ANGPT2: variants seen among roughly 807,000 people sequenced by gnomAD.
ANGPT2 encodes angiopoietin-2.
Under a neutral mutation model 62.9 loss-of-function variants are expected in ANGPT2, and 28 were observed. That is an observed-to-expected ratio of 0.44 (90% CI 0.33 to 0.61). ANGPT2 has a LOEUF of 0.61. ANGPT2 is among the 20% of genes least tolerant of loss of function. The probability of loss-of-function intolerance (pLI) is 0.03; values close to 1 mark genes in which losing one functional copy is unlikely to be tolerated. For missense variants in ANGPT2, 727 were observed against 594.9 expected (o/e 1.22, Z -2.31); for synonymous variants, 284 against 207.8 (o/e 1.37, Z -3.15).
intron 8 of ANGPT2, among the ~76,000 whole-genome samples, chr8:6,507,273 TA>T (rs1813938736): frequency 6.6e-6 from 1 of 152,244 alleles, no homozygotes; most frequent in African/African-American, 2.4e-5. Context: ...CTTTCATTTA[TA>T]AAACATGTTG....
At chr8:6,545,731 G>C (rs1286406399) in intron 1 of ANGPT2, among the ~76,000 whole-genome samples, 1 of 152,122 alleles carries the variant, frequency 6.6e-6, no homozygotes, top group East Asian at 1.9e-4. Flanking sequence ...GTCATGTATT[G>C]GATTTTGTTG....
intron 1 of ANGPT2, among the ~76,000 whole-genome samples, chr8:6,540,867 C>A (rs531280534): frequency 6.6e-6 from 1 of 152,234 alleles, no homozygotes; most frequent in Admixed American, 6.5e-5. Flanking sequence ...AGGCGGCCAC[C>A]GCCGCGCTGG....
chr8:6,503,597 T>G (rs943651135), intron 8 of ANGPT2, among the ~76,000 whole-genome samples: 1 of 152,178 alleles, frequency 6.6e-6, no homozygotes, highest in Non-Finnish European at 1.5e-5. Flanking sequence ...TGAGGCACAG[T>G]TGGAAAACTC....
chr8:6,531,062 G>A (rs1345140767), intron 2 of ANGPT2, among the ~76,000 whole-genome samples: 1 of 152,158 alleles, frequency 6.6e-6, no homozygotes, highest in African/African-American at 2.4e-5. Context: ...AGCATGTAAA[G>A]AAGCCAGGAT....
chr8:6,537,583 T>TA (rs1334090749), intron 1 of ANGPT2, among the ~76,000 whole-genome samples: 1 of 151,730 alleles, frequency 6.6e-6, no homozygotes, highest in Non-Finnish European at 1.5e-5. Context: ...TATATATATA[T>TA]TTTAGTGCAA....
At chr8:6,552,335 C>G (rs1473883432) in intron 1 of ANGPT2, among the ~76,000 whole-genome samples, 1 of 152,154 alleles carries the variant, frequency 6.6e-6, no homozygotes, top group Non-Finnish European at 1.5e-5. Context: ...CAGTGTGTTG[C>G]CCAATGACAG....
chr8:6,556,998 T>A (rs1434227913), intron 1 of ANGPT2, among the ~76,000 whole-genome samples: 1 of 152,284 alleles, frequency 6.6e-6, no homozygotes, highest in South Asian at 2.1e-4. Context: ...TCAACTTGCA[T>A]GGCTCCTGCC....
chr8:6,525,083 C>CT (rs1563344452), intron 3 of ANGPT2, among the ~76,000 whole-genome samples: 1 of 152,180 alleles, frequency 6.6e-6, no homozygotes, highest in Non-Finnish European at 1.5e-5. Context: ...GTAAATCCAC[C>CT]TTTTTTTGAC....
chr8:6,540,277 T>G (rs1159077614), intron 1 of ANGPT2, among the ~76,000 whole-genome samples: 2 of 152,260 alleles, frequency 1.3e-5, no homozygotes, highest in Non-Finnish European at 2.9e-5. Context: ...CAAAATTTGA[T>G]AAGGAAATGT....
In ANGPT2 at chr8:6,542,597, CTT is replaced by C. The variant is rs370880744; in HGVS notation, c.289-10112_289-10111del. Among the ~76,000 whole-genome samples the C allele has an allele frequency of 1.9e-3, 283 of 150,442 alleles. 3 individuals carry two copies. The highest frequency in any genetic ancestry group is 4.4e-4 in the Non-Finnish European group (30 of 67,650). On this transcript the variant is annotated intron_variant, in intron 1 of 8. Transcript: ENST00000629816. ...GCTGTACTGATATGCCTATTCTTAT[CTT>C]AAAAAAAAAAAAGTGCTGTCTGAGG... is the stretch of plus-strand genomic sequence containing the variant.
intron 1 of ANGPT2, among the ~76,000 whole-genome samples, chr8:6,554,977 G>A (rs767329330): frequency 6.6e-6 from 1 of 152,122 alleles, no homozygotes; most frequent in African/African-American, 2.4e-5. Flanking sequence ...AAAGATAGTC[G>A]GATGGCACAC....
At chr8:6,558,332 A>G (rs1394841649) in intron 1 of ANGPT2, among the ~76,000 whole-genome samples, 1 of 152,126 alleles carries the variant, frequency 6.6e-6, no homozygotes, top group Non-Finnish European at 1.5e-5. Context: ...ATATTTTTTT[A>G]CCTTGCCCAT....
chr8:6,547,022 C>T (rs1438231194), intron 1 of ANGPT2, among the ~76,000 whole-genome samples: 5 of 152,148 alleles, frequency 3.3e-5, no homozygotes, highest in Admixed American at 3.3e-4. Flanking sequence ...TCGGAAGAAG[C>T]GTTCTCAGAG....
chr8:6,556,222 C>A (rs953519167), intron 1 of ANGPT2, among the ~76,000 whole-genome samples: 1 of 152,058 alleles, frequency 6.6e-6, no homozygotes, highest in African/African-American at 2.4e-5. Flanking sequence ...AGTACTACAG[C>A]ATATACAGTG....
At chr8:6,557,997 C>T (rs1032637163) in intron 1 of ANGPT2, among the ~76,000 whole-genome samples, 2 of 152,278 alleles carry the variant, frequency 1.3e-5, no homozygotes, top group East Asian at 3.9e-4. Flanking sequence ...CTGACTCCCT[C>T]ACAGGTGGTG....
At chr8:6,534,756 G>C (rs1820195257) in intron 1 of ANGPT2, among the ~76,000 whole-genome samples, 1 of 152,214 alleles carries the variant, frequency 6.6e-6, no homozygotes, top group African/African-American at 2.4e-5. Flanking sequence ...CCGTTTCTCA[G>C]AGTTAGCTCA....
At chr8:6,508,788 A>G in intron 8 of ANGPT2, 144 bp downstream of exon 8, 6 of 1,187,620 alleles carry the variant, frequency 5.1e-6, no homozygotes, top group South Asian at 1.3e-5. Flanking sequence ...TGAAAAACAC[A>G]TTTACCTATA....
At chr8:6,524,335 G>C (rs919434945) in intron 3 of ANGPT2, among the ~76,000 whole-genome samples, 9 of 152,162 alleles carry the variant, frequency 5.9e-5, no homozygotes, top group Non-Finnish European at 1.2e-4. Context: ...TTAGAAGCTG[G>C]TGAAATATTC....
rs866447304 is a variant in ANGPT2 at position 6,554,580 on chromosome 8, T to G, written c.288+8067A>C. Among the ~76,000 whole-genome samples the G allele has an allele frequency of 3.3e-5, 5 of 152,370 alleles. 1 individual carries two copies. Among genetic ancestry groups the G allele is most frequent in the Middle Eastern group, 6.8e-3 (2 of 294 alleles). The stretch of plus-strand genomic sequence containing the variant: ...TTTTTAATGTATATTTTTAATTTGG[T>G]TGTTGGTTTTTAAAATAGTAAAATA... On this transcript the variant is annotated intron_variant, in intron 1 of 8. Transcript: ENST00000629816.
Sources: gnomAD v4.1 joint callset for allele counts (sites outside exome capture counted in the v4.1 genomes callset) on GRCh38, gnomAD v4.1.1 for gene constraint, MANE v1.5 for transcripts, NCBI Gene and HGNC (gene_info 2026-07-23, HGNC 2026-07-21) for gene names.